The following PLXNA2 variants were observed in gnomAD, a reference collection of about 807,000 sequenced individuals.
PLXNA2 encodes plexin A2.
Under a neutral mutation model 193.5 loss-of-function variants are expected in PLXNA2, and 91 were observed. The ratio of observed to expected loss-of-function variants is 0.47; its 90% CI spans 0.40 to 0.56. The LOEUF (loss-of-function observed/expected upper bound fraction) is 0.56, where lower values mean the gene tolerates loss of function less well. PLXNA2 is among the 20% of genes least tolerant of loss of function. The pLI, the probability that PLXNA2 is intolerant of heterozygous loss-of-function variation, is 0.00. For synonymous variants in PLXNA2, 997 were observed against 1,027.3 expected (o/e 0.97, Z 0.56); for missense variants, 1,995 against 2,503.2 (o/e 0.80, Z 4.33).
intron 4 of PLXNA2, among the ~76,000 whole-genome samples, chr1:208,139,096 T>G (rs1275522218): frequency 6.6e-6 from 1 of 152,208 alleles, no homozygotes; most frequent in African/African-American, 2.4e-5. Flanking sequence ...AACACTGCTT[T>G]TGGTTTAGTC....
At chr1:208,232,098 T>A (rs1029239364) in intron 1 of PLXNA2, among the ~76,000 whole-genome samples, 3 of 152,192 alleles carry the variant, frequency 2.0e-5, no homozygotes, top group African/African-American at 7.2e-5. Flanking sequence ...GCCATTTGGC[T>A]CTTGCCCAGT....
intron 1 of PLXNA2, 139 bp from the exon 2 acceptor site, chr1:208,218,141 A>T (rs991809804): frequency 5.9e-6 from 4 of 680,402 alleles, no homozygotes; most frequent in Non-Finnish European, 9.9e-6. Flanking sequence ...TATTTTTAAC[A>T]TACTTTCTCC....
intron 1 of PLXNA2, among the ~76,000 whole-genome samples, chr1:208,235,602 G>GAGGGTGAGC (rs1671826835): frequency 6.6e-6 from 1 of 152,198 alleles, no homozygotes; most frequent in Non-Finnish European, 1.5e-5. Flanking sequence ...GGAACAAACG[G>GAGGGTGAGC]AGGGTGAGCA....
rs113381201 is a variant in PLXNA2 at position 208,141,895 on chromosome 1, C to T, written c.1506+434G>A. Among the ~76,000 whole-genome samples the T allele has an allele frequency of 2.2e-4, 34 of 152,346 alleles. 1 individual carries two copies. The highest frequency in any genetic ancestry group is 7.2e-4 in the African/African-American group (30 of 41,580). On this transcript the variant is annotated intron_variant, in intron 4 of 31. Coordinates refer to ENST00000367033, the MANE Select transcript of PLXNA2 (RefSeq NM_025179.4). ...ATACTCTGCACCAGTCTAAGACTCA[C>T]GCCAAGATTTTTATTTCCTTCTGGG...
At chr1:208,237,755 C>A (rs1408414676) in intron 1 of PLXNA2, among the ~76,000 whole-genome samples, 1 of 152,208 alleles carries the variant, frequency 6.6e-6, no homozygotes, top group Non-Finnish European at 1.5e-5. Context: ...TCCTCTGACC[C>A]CCTAGTACAC....
In PLXNA2 at chr1:208,084,425, G is replaced by A. The variant is rs760622974; in HGVS notation, c.2253C>T (p.Pro751=). 27 of 1,614,146 alleles carry A rather than the reference G, an allele frequency of 1.7e-5. No homozygotes were observed. Among genetic ancestry groups the A allele is most frequent in the South Asian group, 1.6e-4 (15 of 91,094 alleles). The change falls in exon 10 of 32, where the codon CCC becomes CCT. Residue 751 remains proline (P), a synonymous_variant. Coordinates refer to ENST00000367033, the MANE Select transcript of PLXNA2 (RefSeq NM_025179.4). ...LNIQGAIHRV[P]ALRFNSSSVQ... is the part of the protein sequence containing the mutation. ...CGCTGGAGCTGTTGAAGCGCAGAGC[G>A]GGGACCCGGTGGATGGCTCCTTGTA...
chr1:208,065,713 G>A (rs1322343441), intron 12 of PLXNA2, among the ~76,000 whole-genome samples: 1 of 152,196 alleles, frequency 6.6e-6, no homozygotes, highest in Non-Finnish European at 1.5e-5. Context: ...TTTGGAGAAT[G>A]CCCGAAGCCT....
At chr1:208,173,994 G>A (rs1669579133) in intron 3 of PLXNA2, among the ~76,000 whole-genome samples, 1 of 152,222 alleles carries the variant, frequency 6.6e-6, no homozygotes, top group South Asian at 2.1e-4. Flanking sequence ...ACATATGCTG[G>A]AGACAGAATT....
intron 1 of PLXNA2, among the ~76,000 whole-genome samples, chr1:208,237,801 T>G (rs113159778): frequency 6.6e-6 from 1 of 152,156 alleles, no homozygotes; most frequent in African/African-American, 2.4e-5. Flanking sequence ...CTAAAGGTAT[T>G]TGGGGGTACT....
chr1:208,066,555 A>AT (rs1220899282), intron 12 of PLXNA2, among the ~76,000 whole-genome samples: 1 of 152,206 alleles, frequency 6.6e-6, no homozygotes, highest in African/African-American at 2.4e-5. Flanking sequence ...AGCATATACA[A>AT]TTATGTACAG....
intron 3 of PLXNA2, among the ~76,000 whole-genome samples, chr1:208,196,938 A>T (rs1292439568): frequency 1.3e-5 from 2 of 152,188 alleles, no homozygotes; most frequent in African/African-American, 4.8e-5. Flanking sequence ...AAGGCAGGGA[A>T]TCTTATTAGG....
chr1:208,029,235 C>A, intron 29 of PLXNA2, 193 bp from the exon 30 acceptor site: 6 of 1,411,460 alleles, frequency 4.3e-6, no homozygotes, highest in Non-Finnish European at 5.5e-6. Flanking sequence ...GAAGGAGAGG[C>A]ACTTTGTACC....
chr1:208,162,613 G>A (rs753421314), intron 3 of PLXNA2, among the ~76,000 whole-genome samples: 4 of 152,114 alleles, frequency 2.6e-5, no homozygotes, highest in Admixed American at 6.5e-5. Flanking sequence ...TTCACAATCA[G>A]GCAAGGAAGG....
intron 24 of PLXNA2, 148 bp from the exon 25 acceptor site, chr1:208,039,132 C>T (rs1469471491): frequency 1.1e-5 from 7 of 661,626 alleles, no homozygotes; most frequent in African/African-American, 5.5e-5. Context: ...ACTCAGTTTC[C>T]CTCACCTTCA....
chr1:208,168,315 T>C (rs1390357395), intron 3 of PLXNA2, among the ~76,000 whole-genome samples: 1 of 152,200 alleles, frequency 6.6e-6, no homozygotes, highest in African/African-American at 2.4e-5. Context: ...GATGTAGCAA[T>C]ACCTTCCCTC....
intron 3 of PLXNA2, among the ~76,000 whole-genome samples, chr1:208,203,844 G>A (rs1411542993): frequency 6.6e-6 from 1 of 152,226 alleles, no homozygotes; most frequent in Non-Finnish European, 1.5e-5. Flanking sequence ...CCACGGAAAC[G>A]TATCTTGTAA....
At chr1:208,165,738 C>T (rs558151551) in intron 3 of PLXNA2, among the ~76,000 whole-genome samples, 4 of 152,344 alleles carry the variant, frequency 2.6e-5, no homozygotes, top group East Asian at 1.9e-4. Flanking sequence ...TGAGCAGTGG[C>T]GTCCCTGCCT....
At chr1:208,090,014 CTGT>C (rs1666658740) in intron 9 of PLXNA2, among the ~76,000 whole-genome samples, 2 of 152,190 alleles carry the variant, frequency 1.3e-5, no homozygotes, top group Admixed American at 1.3e-4. Context: ...GGCCTGGCTG[CTGT>C]TTGCTGAAAA....
chr1:208,118,695 G>C (rs917066192), intron 4 of PLXNA2, among the ~76,000 whole-genome samples: 4 of 151,980 alleles, frequency 2.6e-5, no homozygotes, highest in Admixed American at 2.0e-4. Flanking sequence ...AGCTTCTGGG[G>C]GTCACAGAGA....
Sources: gnomAD v4.1 joint callset for allele counts (sites outside exome capture counted in the v4.1 genomes callset) on GRCh38, gnomAD v4.1.1 for gene constraint, MANE v1.5 for transcripts, NCBI Gene and HGNC (gene_info 2026-07-23, HGNC 2026-07-21) for gene names.